Variants in HPX observed in about 807,000 individuals in gnomAD.
The protein encoded by HPX is hemopexin.
A neutral mutation model predicts 53.8 loss-of-function variants in HPX; 42 were observed. That is an observed-to-expected ratio of 0.78 (90% CI 0.61 to 1.01). The LOEUF (loss-of-function observed/expected upper bound fraction) is 1.01. Ranked by LOEUF, HPX falls within the 50% of genes least tolerant of loss-of-function variation. The pLI, the probability that HPX is intolerant of heterozygous loss-of-function variation, is 0.00. For synonymous variants in HPX, 229 were observed against 221.1 expected, an observed-to-expected ratio of 1.04 and a Z score of -0.32; for missense variants, 547 against 594.3, an observed-to-expected ratio of 0.92 and a Z score of 0.83.
chr11:6,438,495 C>T lies in HPX; in HGVS notation c.351G>A (p.Trp117Ter), dbSNP rs1366399339. Residue 117 changes from tryptophan (W) to a stop codon, truncating the protein, a stop_gained, in exon 5 of 10, where the codon TGG (tryptophan) becomes TGA (stop). Transcript: ENST00000265983. LOFTEE classifies it high-confidence loss of function. ...SVFLIKGDKVWVYPPEKKEKG... is the reference protein window; with the variant it reads ...SVFLIKGDKV ...TCTCCTTCTTTTCAGGAGGGTATAC[C>T]CAGACTTTGTCCCCCTGCATTCAAA... The T allele has an allele frequency of 6.2e-7, 1 of 1,613,900 alleles. No individual in the cohort carries two copies. The highest frequency in any genetic ancestry group is 1.3e-5 in the African/African-American group (1 of 74,876).
chr11:6,431,105 C>T lies in HPX; in HGVS notation c.*106G>A. On this transcript the variant is annotated 3_prime_UTR_variant, in exon 10 of 10. Transcript: ENST00000265983. ...GAGAAACTGGGGAGGTGGGGCCAGG[C>T]CAGACTCATGTCAGAAGGCCCCTCA... 1 of 1,484,336 alleles carries T rather than the reference C, an allele frequency of 6.7e-7. No homozygotes were observed. Among genetic ancestry groups the T allele is most frequent in the Non-Finnish European group, 9.1e-7 (1 of 1,097,674 alleles). 91.9% of individuals were successfully genotyped at this position (1,484,336 alleles called of 1,614,324 possible).
In HPX at chr11:6,438,427, G is replaced by T. The variant is rs190143297; in HGVS notation, c.419C>A (p.Pro140Gln). 2.2e-4 allele frequency: 352 copies of T among 1,614,000 alleles called. No homozygotes were observed. Among genetic ancestry groups the T allele is most frequent in the Non-Finnish European group, 2.6e-4 (311 of 1,179,888 alleles). ...TTCCACAGCTGCATCCAGTGGGGAT[G>T]GGATTCCAGGAAATTCATCTTGGAG... ...KLLQDEFPGI[P>Q]SPLDAAVECH... Residue 140 changes from proline (P) to glutamine (Q), a missense_variant, in exon 5 of 10, where the codon CCA (proline) becomes CAA (glutamine). By Grantham distance (76) the Pro-to-Gln change is moderately conservative (BLOSUM62 -1). Transcript: ENST00000265983.
intron 4 of HPX, 78 bp from the exon 5 acceptor site, chr11:6,438,587 A>T: frequency 7.6e-7 from 1 of 1,319,270 alleles, no homozygotes; most frequent in Non-Finnish European, 1.1e-6. Flanking sequence ...TTTTTTATCT[A>T]CTGTGCTTAT....
intron 4 of HPX, 97 bp from the exon 5 acceptor site, chr11:6,438,606 C>T: frequency 9.1e-7 from 1 of 1,093,814 alleles, no homozygotes; most frequent in South Asian, 1.4e-5. Context: ...ATACGATATC[C>T]TCCTGTGGCC....
intron 8 of HPX, 41 bp downstream of exon 8, chr11:6,431,846 T>C (rs1372580252): frequency 6.2e-7 from 1 of 1,613,900 alleles, no homozygotes; most frequent in Non-Finnish European, 8.5e-7. Context: ...TTGGATATGC[T>C]TGTCCCAGTC....
At chr11:6,432,124 G>A in intron 7 of HPX, 107 bp from the exon 8 acceptor site, 1 of 1,301,894 alleles carries the variant, frequency 7.7e-7, no homozygotes, top group Non-Finnish European at 1.1e-6. Flanking sequence ...AATGCATCCA[G>A]AGGCCAAGAT....
At position 6,431,985 on chromosome 11, in the gene HPX, C is replaced by T; in HGVS notation, c.868G>A (p.Asp290Asn). 1 of 1,614,204 alleles carries T rather than the reference C, an allele frequency of 6.2e-7. No homozygotes were observed. Among genetic ancestry groups the T allele is most frequent in the Non-Finnish European group, 8.5e-7 (1 of 1,180,028 alleles). Residue 290 changes from aspartate to asparagine, a missense_variant, in exon 8 of 10, where the codon GAT becomes AAT. Physicochemically the swap from Asp to Asn is conservative, Grantham distance 23. Coordinates refer to ENST00000265983, the MANE Select transcript of HPX (RefSeq NM_000613.3). ...GCAATGGGCCAGCTATGCCAGCCAT[C>T]CCGGCTGGTGTCCAGACGCCAGTAG... ...THYWRLDTSR[D>N]GWHSWPIAHQ...
Position 6,440,433 on chromosome 11 carries a change from A to G in HPX, c.214+34T>C, listed in dbSNP as rs769254930. On this transcript the variant is annotated intron_variant, in intron 3 of 9. Coordinates refer to ENST00000265983, the MANE Select transcript of HPX (RefSeq NM_000613.3). ...CCCTTTGTGAAGGAGAGTAAGTCTA[A>G]GGTCCTAAACGCCCTAACCTCAGTC... 3.8e-6 allele frequency: 6 copies of G among 1,598,602 alleles called. No individual in the cohort carries two copies. The Admixed American group carries it at 6.8e-5, about 18-fold the overall frequency.
chr11:6,436,543 G>A (rs1312676531), intron 7 of HPX, among the ~76,000 whole-genome samples: 2 of 152,324 alleles, frequency 1.3e-5, no homozygotes, highest in East Asian at 1.9e-4. Context: ...TTCTCAGCTG[G>A]TTCTCAGCAA....
rs775460166 is a variant in HPX at position 6,431,794 on chromosome 11, C to G, written c.976G>C (p.Val326Leu). 8 of 1,613,966 alleles carry G rather than the reference C, an allele frequency of 5.0e-6. No homozygotes were observed. The highest frequency in any genetic ancestry group is 5.9e-6 in the Non-Finnish European group (7 of 1,180,024). ...EKLYLVQGTQVYVFLTKGGYT... is the reference protein window; with the variant it reads ...EKLYLVQGTQLYVFLTKGGYT... ...CCTCCCTTTGTCAGGAAGACATATA[C>G]CTGGGTGCCCTGGAGGACAAAGGAT... The change falls in exon 9 of 10, where the codon GTA (valine) becomes CTA (leucine). Residue 326 changes from valine to leucine, a missense_variant. Coordinates refer to ENST00000265983, the MANE Select transcript of HPX (RefSeq NM_000613.3).
intron 7 of HPX, among the ~76,000 whole-genome samples, chr11:6,435,620 T>C (rs1843877199): frequency 6.6e-6 from 1 of 152,130 alleles, no homozygotes; most frequent in Admixed American, 6.5e-5. Context: ...CTAATTTTTA[T>C]ATTTTTTGTA....
chr11:6,431,056 GAAGAAGC>G lies in HPX; in HGVS notation c.*148_*154del. 1.0e-6 allele frequency: 1 copy of G among 997,948 alleles called. No individual in the cohort carries two copies. The highest frequency in any genetic ancestry group is 1.4e-6 in the Non-Finnish European group (1 of 698,726). 61.8% of individuals were successfully genotyped at this position (997,948 alleles called of 1,614,324 possible). On this transcript the variant is annotated 3_prime_UTR_variant, in exon 10 of 10. Coordinates refer to ENST00000265983, the MANE Select transcript of HPX (RefSeq NM_000613.3). ...ACGACCAAGGTCCCTTGATTCAAGT[GAAGAAGC>G]AATCTGTCTTTATTATGAGAAACTG...
At position 6,431,255 on chromosome 11, in the gene HPX, G is replaced by T; in HGVS notation, c.1345C>A (p.Pro449Thr). 6.2e-7 allele frequency: 1 copy of T among 1,614,274 alleles called. No individual in the cohort carries two copies. The highest frequency in any genetic ancestry group is 1.7e-5 in the Admixed American group (1 of 60,038). Reference protein sequence around the residue: ...VEKLNAAKALPQPQNVTSLLG... With the variant: ...VEKLNAAKALTQPQNVTSLLG... ...AGACTGGTCACATTCTGGGGTTGCG[G>T]AAGGGCCTTGGCTGCATTCAGTTTC... The change falls in exon 10 of 10, where the codon CCG becomes ACG. Residue 449 changes from proline (P) to threonine (T), a missense_variant. Transcript: ENST00000265983.
rs773887454 is a variant in HPX, at chr11:6,440,549, G to A, written c.143-11C>T. ...CATCTGAGCAGCGTTCTGGGGTGGA[G>A]GTAGGGAGATGGCAAAGTAAAAAAA... On this transcript the variant is annotated splice_polypyrimidine_tract_variant and intron_variant, in intron 2 of 9. Transcript: ENST00000265983. 25 of 1,110,898 alleles carry A rather than the reference G, an allele frequency of 2.3e-5. No homozygotes were observed. The highest frequency in any genetic ancestry group is 3.0e-5 in the Non-Finnish European group (23 of 765,578). The allele number at this position is 1,110,898 out of a possible 1,614,324, so 68.8% of individuals were successfully genotyped here.
At chr11:6,440,852 C>T in intron 1 of HPX, 29 bp downstream of exon 1, 1 of 1,609,672 alleles carries the variant, frequency 6.2e-7, no homozygotes, top group East Asian at 2.2e-5. Flanking sequence ...AGAACTCAAT[C>T]CTTCGCTTCT....
At position 6,440,699 on chromosome 11, in the gene HPX, C is replaced by T. The variant is rs748539704; in HGVS notation, c.115G>A (p.Glu39Lys). 3.1e-6 allele frequency: 5 copies of T among 1,613,566 alleles called. No individual in the cohort carries two copies. Among genetic ancestry groups the T allele is most frequent in the Admixed American group, 3.3e-5 (2 of 59,950 alleles). ...TSAHGNVAEG[E>K]TKPDPDVTER... Reference sequence around the variant, plus strand: ...GTCACGTCTGGGTCTGGCTTGGTCTCGCCTTCAGCAACATTCCCATGGGCA... The same window carrying T: ...GTCACGTCTGGGTCTGGCTTGGTCTTGCCTTCAGCAACATTCCCATGGGCA... The change falls in exon 2 of 10, where the codon GAG becomes AAG. Residue 39 changes from glutamate (E) to lysine (K), a missense_variant. Transcript: ENST00000265983.
At chr11:6,439,074 G>A (rs1251398925) in intron 4 of HPX, among the ~76,000 whole-genome samples, 1 of 152,202 alleles carries the variant, frequency 6.6e-6, no homozygotes, top group Non-Finnish European at 1.5e-5. Flanking sequence ...TAGAGAAGTT[G>A]TGGAAGGTTT....
In HPX at chr11:6,431,176, G is replaced by C. The variant is rs1386557940; in HGVS notation, c.*35C>G. 2 of 1,611,800 alleles carry C rather than the reference G, an allele frequency of 1.2e-6. No individual in the cohort carries two copies. Among genetic ancestry groups the C allele is most frequent in the African/African-American group, 1.3e-5 (1 of 75,002 alleles). On this transcript the variant is annotated 3_prime_UTR_variant, in exon 10 of 10. Coordinates refer to ENST00000265983, the MANE Select transcript of HPX (RefSeq NM_000613.3). ...CTGTCTTTATTATGAGGAACTAGGAGGTGGGGCCAGGCCAGACTCATGTCA... is the reference window on the plus strand; with the variant it reads ...CTGTCTTTATTATGAGGAACTAGGACGTGGGGCCAGGCCAGACTCATGTCA...
At chr11:6,439,452 T>C (rs752069246) in intron 4 of HPX, among the ~76,000 whole-genome samples, 2 of 152,104 alleles carry the variant, frequency 1.3e-5, no homozygotes, top group African/African-American at 2.4e-5. Flanking sequence ...CTGTAGAACA[T>C]ACAATTGGAA....
Sources: gnomAD v4.1 joint callset for allele counts (sites outside exome capture counted in the v4.1 genomes callset) on GRCh38, gnomAD v4.1.1 for gene constraint, MANE v1.5 for transcripts, NCBI Gene and HGNC (gene_info 2026-07-23, HGNC 2026-07-21) for gene names.